Variants in CFAP43 observed in about 807,000 individuals in gnomAD.
CFAP43 encodes the protein cilia and flagella associated protein 43.
In CFAP43, 155 loss-of-function variants were observed where a neutral mutation model predicts 218.9. The observed-to-expected ratio is 0.71, with a 90% confidence interval of 0.62 to 0.81. The LOEUF (loss-of-function observed/expected upper bound fraction) is 0.81. Ranked by LOEUF, CFAP43 falls within the 30% of genes least tolerant of loss-of-function variation. CFAP43 has a pLI of 0.00. For missense variants in CFAP43, 1,778 were observed against 1,954.3 expected (o/e 0.91, Z 1.70); for synonymous variants, 645 against 681.3 (o/e 0.95, Z 0.83).
intron 14 of CFAP43, among the ~76,000 whole-genome samples, chr10:104,187,088 T>C (rs970846390): frequency 1.3e-5 from 2 of 152,256 alleles, no homozygotes; most frequent in Non-Finnish European, 2.9e-5. Context: ...TCTGCATGTT[T>C]ATCTGACAAA....
intron 2 of CFAP43, among the ~76,000 whole-genome samples, chr10:104,225,763 A>G (rs953230963): frequency 6.6e-6 from 1 of 152,258 alleles, no homozygotes; most frequent in Non-Finnish European, 1.5e-5. Context: ...AAAATATATT[A>G]AAGTGAATTA....
chr10:104,193,952 C>T lies in CFAP43; in HGVS notation c.1356G>A (p.Ser452=), dbSNP rs555246942. 90 of 1,614,016 alleles carry T rather than the reference C, an allele frequency of 5.6e-5. No homozygotes were observed. The highest frequency in any genetic ancestry group is 1.7e-4 in the Admixed American group (10 of 60,008). The change falls in exon 11 of 38, where the codon TCG becomes TCA. Residue 452 remains serine (S), a synonymous_variant. Coordinates refer to ENST00000357060, the MANE Select transcript of CFAP43 (RefSeq NM_025145.7). The part of the protein sequence containing the change: ...LSAAVGTEDG[S]VYFISVYDKE... The stretch of plus-strand genomic sequence containing the variant: ...TATCATATACGCTGATGAAGTAGAC[C>T]GAGCCATCCTCCGTGCCCACGGCTG...
At chr10:104,160,500 T>C (rs1377556689) in intron 27 of CFAP43, among the ~76,000 whole-genome samples, 1 of 152,254 alleles carries the variant, frequency 6.6e-6, no homozygotes, top group Admixed American at 6.5e-5. Flanking sequence ...ATATCTCTAC[T>C]GTAATTGTGA....
At chr10:104,192,641 G>T (rs902745610) in intron 11 of CFAP43, 4 of 248,500 alleles carry the variant, frequency 1.6e-5, no homozygotes, top group South Asian at 4.9e-5. Flanking sequence ...ATTAGTGGTG[G>T]GTGTGACATT....
chr10:104,162,128 T>G lies in CFAP43; in HGVS notation c.3334-87A>C, dbSNP rs574644090. On this transcript the variant is annotated intron_variant, in intron 25 of 37. Transcript: ENST00000357060. ...CCAGAGGCAGCTTCCCACCCAACAT[T>G]AGAATGACTGCATTTGGGATTGGGG... 4 of 1,379,760 alleles carry G rather than the reference T, an allele frequency of 2.9e-6. No homozygotes were observed. The African/African-American group carries it at 4.3e-5, about 15-fold the overall frequency. The allele number at this position is 1,379,760 out of a possible 1,614,324, so 85.5% of individuals were successfully genotyped here.
chr10:104,145,550 G>A lies in CFAP43; in HGVS notation c.3870C>T (p.Ser1290=). 1 of 1,602,100 alleles carries A rather than the reference G, an allele frequency of 6.2e-7. No homozygotes were observed. Among genetic ancestry groups the A allele is most frequent in the Non-Finnish European group, 8.5e-7 (1 of 1,171,516 alleles). ...GAATTTCAGAAAATTCCTTTTTAAA[G>A]CTGCGATCCATAACCTAAGGACAAA... ...LLAEDKVMDR[S]FKKEFSEIPG... The change falls in exon 31 of 38, where the codon AGC becomes AGT. Residue 1290 remains serine (S), a synonymous_variant. Coordinates refer to ENST00000357060, the MANE Select transcript of CFAP43 (RefSeq NM_025145.7).
At position 104,230,781 on chromosome 10, in the gene CFAP43, G is replaced by T; in HGVS notation, c.128C>A (p.Pro43His). 1 of 1,613,878 alleles carries T rather than the reference G, an allele frequency of 6.2e-7. No homozygotes were observed. The highest frequency in any genetic ancestry group is 1.1e-5 in the South Asian group (1 of 90,974). The change falls in exon 2 of 38, where the codon CCT (proline) becomes CAT (histidine). Residue 43 changes from proline (P) to histidine (H), a missense_variant. Pro to His is a moderately conservative substitution (Grantham distance 77, BLOSUM62 -2). Transcript: ENST00000357060. ...HFVNDNTICY[P>H]CGNYVIFINI... ...AATAAATATTACATAATTCCCACAAGGGTAGCAAATGGTGTTGTCGTTGAC... is the reference window on the plus strand; with the variant it reads ...AATAAATATTACATAATTCCCACAATGGTAGCAAATGGTGTTGTCGTTGAC...
rs140116692 is a variant in CFAP43 at position 104,161,123 on chromosome 10, C to A, written c.3454G>T (p.Val1152Leu). 39 of 1,613,752 alleles carry A rather than the reference C, an allele frequency of 2.4e-5. No individual in the cohort carries two copies. Among genetic ancestry groups the A allele is most frequent in the Non-Finnish European group, 3.3e-5 (39 of 1,179,842 alleles). Residue 1152 changes from valine (V) to leucine (L), a missense_variant, in exon 27 of 38, where the codon GTG (valine) becomes TTG (leucine). Val to Leu is a conservative substitution (Grantham distance 32, BLOSUM62 1). Around this residue, in one of 3 missense-constraint regions of CFAP43, gnomAD observed 1,553 missense variants for 1,685.2 expected, o/e 0.92. Coordinates refer to ENST00000357060, the MANE Select transcript of CFAP43 (RefSeq NM_025145.7). ...QPAFMAKPDA[V>L]WTEEERKQFK... ...TGTTTTCTTTCTTCTTCAGTCCACA[C>A]AGCATCAGGTTTTGCCATGAAAGCA...
At position 104,198,268 on chromosome 10, in the gene CFAP43, T is replaced by C. The variant is rs60350032; in HGVS notation, c.1096-230A>G. 1.5e-3 allele frequency among the ~76,000 whole-genome samples: 236 copies of C among 152,316 alleles called. 6 individuals carry two copies. In the East Asian group the frequency reaches 0.043, roughly 28 times the overall value. ...ATTCATTCATTCATTCACTTATTCA[T>C]CATTTTATTTTATTTTAATTAATTA... is the stretch of plus-strand genomic sequence containing the variant. On this transcript the variant is annotated intron_variant, in intron 8 of 37. Transcript: ENST00000357060.
intron 2 of CFAP43, among the ~76,000 whole-genome samples, chr10:104,227,277 T>C (rs866193321): frequency 5.4e-4 from 82 of 152,350 alleles, no homozygotes; most frequent in Middle Eastern, 3.4e-3. Context: ...CATGTAAATC[T>C]TTGACCATAT....
intron 20 of CFAP43, 54 bp downstream of exon 20, chr10:104,172,356 C>A: frequency 1.3e-6 from 2 of 1,574,062 alleles, no homozygotes; most frequent in Non-Finnish European, 8.6e-7. Context: ...TTCCTATTAT[C>A]TTTTTACTTC....
intron 2 of CFAP43, 27 bp from the exon 3 acceptor site, chr10:104,225,584 T>A: frequency 6.4e-7 from 1 of 1,572,704 alleles, no homozygotes; most frequent in Non-Finnish European, 8.7e-7. Flanking sequence ...ATTATCAGGA[T>A]TTGATTATGT....
At chr10:104,179,441 G>A (rs546533765) in intron 18 of CFAP43, among the ~76,000 whole-genome samples, 30 of 152,226 alleles carry the variant, frequency 2.0e-4, no homozygotes, top group African/African-American at 7.0e-4. Flanking sequence ...ATCCAGACAC[G>A]AGCTGTAATC....
At chr10:104,200,652 C>G (rs1229234388) in intron 8 of CFAP43, among the ~76,000 whole-genome samples, 3 of 115,148 alleles carry the variant, frequency 2.6e-5, no homozygotes, top group Non-Finnish European at 4.8e-5. Context: ...GCCTGGGTGA[C>G]AGAGCAAGAC....
At chr10:104,133,069 A>G (rs1192333425) in intron 35 of CFAP43, among the ~76,000 whole-genome samples, 1 of 152,214 alleles carries the variant, frequency 6.6e-6, no homozygotes, top group Non-Finnish European at 1.5e-5. Flanking sequence ...AACTAAGAAG[A>G]GCTGCTGGGA....
At chr10:104,136,822 T>A (rs2087475757) in intron 34 of CFAP43, among the ~76,000 whole-genome samples, 1 of 152,176 alleles carries the variant, frequency 6.6e-6, no homozygotes, top group Non-Finnish European at 1.5e-5. Context: ...ACTTCAGTAG[T>A]CATTTGTCCA....
intron 28 of CFAP43, 88 bp downstream of exon 28, chr10:104,152,519 C>G: frequency 6.4e-7 from 1 of 1,563,508 alleles, no homozygotes; most frequent in East Asian, 2.3e-5. Context: ...GATCTTAGTA[C>G]CTGGTAAGGA....
intron 27 of CFAP43, among the ~76,000 whole-genome samples, chr10:104,154,902 G>A (rs1159984960): frequency 6.6e-6 from 1 of 152,098 alleles, no homozygotes; most frequent in African/African-American, 2.4e-5. Context: ...AGAGTTCCTT[G>A]GGCCCTGTCT....
At chr10:104,230,951 C>T in intron 1 of CFAP43, 108 bp from the exon 2 acceptor site, 1 of 1,192,958 alleles carries the variant, frequency 8.4e-7, no homozygotes, top group Non-Finnish European at 1.1e-6. Context: ...ATTTTCATGT[C>T]CTTTCTGCCC....
Sources: gnomAD v4.1 joint callset for allele counts (sites outside exome capture counted in the v4.1 genomes callset) on GRCh38, gnomAD v4.1.1 for gene constraint, gnomAD v4.1.1 regional missense constraint, MANE v1.5 for transcripts, NCBI Gene and HGNC (gene_info 2026-07-23, HGNC 2026-07-21) for gene names.